The following MRO variants were observed in gnomAD, a reference collection of about 807,000 sequenced individuals.
MRO encodes protein maestro.
Under a neutral mutation model 31.0 loss-of-function variants are expected in MRO, and 28 were observed. The ratio of observed to expected loss-of-function variants is 0.90; its 90% CI spans 0.67 to 1.24. MRO has a LOEUF of 1.24. MRO is among the 50% of genes most tolerant of loss of function. The pLI is 0.00. For missense variants in MRO, 332 were observed against 289.2 expected, an observed-to-expected ratio of 1.15 and a Z score of -1.07; for synonymous variants, 108 against 108.4, an observed-to-expected ratio of 1.00 and a Z score of 0.02.
intron 2 of MRO, 126 bp downstream of exon 2, chr18:50,819,455 T>C (rs1915194909): frequency 6.9e-7 from 1 of 1,447,830 alleles, no homozygotes; most frequent in East Asian, 2.5e-5. Context: ...TACCAAATCC[T>C]ACCCCCTAGA....
chr18:50,820,054 C>T (rs2049525553), upstream of MRO: 28 of 1,199,774 alleles, frequency 2.3e-5, no homozygotes, highest in South Asian at 3.7e-4. Flanking sequence ...ACCTCCCTGC[C>T]AAGGCCCGTT....
At chr18:50,823,714 T>C (rs1219399254), upstream of MRO, 6 of 156,420 alleles carry the variant, frequency 3.8e-5, no homozygotes, top group South Asian at 1.1e-3. Context: ...AACCACCAAG[T>C]ACCTGAAAGA....
chr18:50,799,481 T>C (rs1913084190), intron 7 of MRO, 91 bp from the exon 8 acceptor site: 2 of 1,104,986 alleles, frequency 1.8e-6, no homozygotes, highest in South Asian at 1.3e-5. Flanking sequence ...GTGCAGGGCA[T>C]GTGGATAAGC....
intron 2 of MRO, among the ~76,000 whole-genome samples, chr18:50,812,280 CT>C (rs1304046264): frequency 6.6e-6 from 1 of 152,164 alleles, no homozygotes; most frequent in Non-Finnish European, 1.5e-5. Context: ...GGCTAAGCAT[CT>C]TTTCGTGTGC....
Position 50,799,989 on chromosome 18 carries a change from G to T in MRO, c.693+47C>A, listed in dbSNP as rs369576939. On this transcript the variant is annotated intron_variant, in intron 7 of 7. Transcript: ENST00000398439. Reference sequence around the variant, plus strand: ...GGCCACCTTCCGTGTTAACCACCAGGAGGGCAGGGACCGGAAAAGAATTCT... The same window carrying T: ...GGCCACCTTCCGTGTTAACCACCAGTAGGGCAGGGACCGGAAAAGAATTCT... 3 of 1,358,522 alleles carry T rather than the reference G, an allele frequency of 2.2e-6. No individual in the cohort carries two copies. The South Asian group carries it at 3.6e-5, about 16-fold the overall frequency. 84.2% of individuals were successfully genotyped at this position (1,358,522 alleles called of 1,614,324 possible). A position where few individuals can be genotyped will look rare whatever the true frequency, so the allele number is the denominator to read the frequency against.
chr18:50,808,730 C>T (rs1295979478), intron 3 of MRO, among the ~76,000 whole-genome samples: 1 of 151,690 alleles, frequency 6.6e-6, no homozygotes, highest in Non-Finnish European at 1.5e-5. Context: ...GCTGGGATTA[C>T]AGAGGTGAGC....
At chr18:50,814,068 A>G (rs186316539) in intron 2 of MRO, among the ~76,000 whole-genome samples, 165 of 152,216 alleles carry the variant, frequency 1.1e-3, no homozygotes, top group Non-Finnish European at 1.7e-3. Context: ...TCTTTTAACA[A>G]CTTCATGTTT....
At chr18:50,809,260 C>A (rs1040548114) in intron 3 of MRO, 42 bp downstream of exon 3, 3 of 1,488,396 alleles carry the variant, frequency 2.0e-6, no homozygotes, top group African/African-American at 2.8e-5. Flanking sequence ...TACAAAACAG[C>A]TGCTGGGAGG....
At chr18:50,803,877 TGTAGGTCTTGTCTTTCAGGGACAGA>T (rs1945096669) in intron 5 of MRO, among the ~76,000 whole-genome samples, 2 of 152,264 alleles carry the variant, frequency 1.3e-5, no homozygotes, top group African/African-American at 4.8e-5. Flanking sequence ...TTCGCTGTTC[TGTAGGTCTTGTCTTTCAGGGACAGA>T]ATAACTGGCA....
chr18:50,804,072 G>A (rs563463606), intron 5 of MRO, among the ~76,000 whole-genome samples: 1 of 150,966 alleles, frequency 6.6e-6, no homozygotes, highest in South Asian at 2.1e-4. Context: ...CTGGCTCTGT[G>A]AATTTGGGCA....
chr18:50,809,341 G>A lies in MRO; in HGVS notation c.60C>T (p.Pro20=), dbSNP rs1431809874. The change falls in exon 3 of 8, where the codon CCC becomes CCT. Residue 20 remains proline, a synonymous_variant. Coordinates refer to ENST00000398439, the MANE Select transcript of MRO (RefSeq NM_031939.6). ...ATATCATTGATGTCCTTTTCTGCTT[G>A]GGCTGGGAAGTAGGGATGGAAAGGG... ...GQPLSIPTSQ[P]KQKRTSMISF... The A allele has an allele frequency of 6.2e-7, 1 of 1,613,574 alleles. No homozygotes were observed. Among genetic ancestry groups the A allele is most frequent in the Non-Finnish European group, 8.5e-7 (1 of 1,179,858 alleles).
chr18:50,816,118 A>T (rs1914897994), intron 2 of MRO: 1 of 152,758 alleles, frequency 6.5e-6, no homozygotes, highest in African/African-American at 2.4e-5. Context: ...GAAAGCAGCA[A>T]GTTACCTTGA....
intron 3 of MRO, 120 bp from the exon 4 acceptor site, chr18:50,806,970 C>T: frequency 9.9e-7 from 1 of 1,005,398 alleles, no homozygotes; most frequent in South Asian, 1.5e-5. Flanking sequence ...CCCCTTCTTT[C>T]TCCTACTAAA....
At chr18:50,811,787 T>C (rs1180787043) in intron 2 of MRO, among the ~76,000 whole-genome samples, 3 of 139,480 alleles carry the variant, frequency 2.2e-5, no homozygotes, top group Non-Finnish European at 4.6e-5. Flanking sequence ...AGAGTCTTAC[T>C]CTGTCTCCCA....
At chr18:50,802,916 A>AGTGTGTGTGTGTGTGT (rs71735972) in intron 5 of MRO, among the ~76,000 whole-genome samples, 32 of 144,716 alleles carry the variant, frequency 2.2e-4, no homozygotes, top group South Asian at 1.3e-3. Flanking sequence ...GTGTGTGTGT[A>AGTGTGTGTGTGTGTGT]GTGTGTGTGT....
At chr18:50,807,180 G>A (rs1266673270) in intron 3 of MRO, among the ~76,000 whole-genome samples, 2 of 152,108 alleles carry the variant, frequency 1.3e-5, no homozygotes, top group East Asian at 1.9e-4. Flanking sequence ...TGTGGGAATA[G>A]GGATCTGTTT....
At chr18:50,821,568 A>G (rs898926307), upstream of MRO, among the ~76,000 whole-genome samples, 20 of 152,216 alleles carry the variant, frequency 1.3e-4, no homozygotes, top group African/African-American at 4.8e-4. Context: ...AGGAAGCCCA[A>G]AGTATGATTG....
rs762830374 is a variant in MRO, at chr18:50,819,593, C to T, written c.-17G>A. 1.6e-5 allele frequency: 25 copies of T among 1,551,540 alleles called. No homozygotes were observed. The African/African-American group carries it at 2.9e-4, about 18-fold the overall frequency. Reference sequence around the variant, plus strand: ...CAGTGTCCCTTACCTGCGGCTCCTGCAGGCGGCTGCCACGTGATGAACCGG... The same window carrying T: ...CAGTGTCCCTTACCTGCGGCTCCTGTAGGCGGCTGCCACGTGATGAACCGG... On this transcript the variant is annotated 5_prime_UTR_variant, in exon 2 of 8. Transcript: ENST00000398439.
At chr18:50,811,209 G>A (rs1914444150) in intron 2 of MRO, among the ~76,000 whole-genome samples, 3 of 152,184 alleles carry the variant, frequency 2.0e-5, no homozygotes, top group Admixed American at 1.3e-4. Flanking sequence ...GTAGATATGA[G>A]TAACCTGATG....
Sources: gnomAD v4.1 joint callset for allele counts (sites outside exome capture counted in the v4.1 genomes callset) on GRCh38, gnomAD v4.1.1 for gene constraint, MANE v1.5 for transcripts, NCBI Gene and HGNC (gene_info 2026-07-23, HGNC 2026-07-21) for gene names.